QSOX1: variants seen among roughly 807,000 people sequenced by gnomAD.
QSOX1 encodes quiescin sulfhydryl oxidase 1.
Under a neutral mutation model 76.1 loss-of-function variants are expected in QSOX1, and 40 were observed. That is an observed-to-expected ratio of 0.53 (90% confidence interval 0.41 to 0.68). The LOEUF (loss-of-function observed/expected upper bound fraction) is 0.68, where lower values mean the gene tolerates loss of function less well. Among genes scored for constraint, QSOX1 ranks in the 30% least tolerant of loss-of-function variants. The pLI is 0.00. For missense variants in QSOX1, 931 were observed against 974.3 expected (o/e 0.96, Z 0.59); for synonymous variants, 392 against 413.1 (o/e 0.95, Z 0.62).
chr1:180,194,995 C>CCGGGG (rs1663425410), intron 11 of QSOX1, among the ~76,000 whole-genome samples: 1 of 133,164 alleles, frequency 7.5e-6, no homozygotes, highest in African/African-American at 2.9e-5. Flanking sequence ...TGACAGCCTC[C>CCGGGG]CGGGGGGGGG....
intron 2 of QSOX1, among the ~76,000 whole-genome samples, chr1:180,169,413 A>G (rs964986729): frequency 6.6e-6 from 1 of 152,204 alleles, no homozygotes; most frequent in African/African-American, 2.4e-5. Context: ...TGAGGAGATC[A>G]GTGATGTGGT....
chr1:180,198,853 G>T lies in QSOX1; in HGVS notation c.*1816G>T, dbSNP rs746245450. On this transcript the variant is annotated 3_prime_UTR_variant, in exon 12 of 12. Transcript: ENST00000367602. ...GAGGAAGACAGAGGCTCCCAGGGCC[G>T]GTGCCCTGTGTGCCCACTGCACCAA... 3.7e-5 allele frequency: 7 copies of T among 190,944 alleles called. No individual in the cohort carries two copies. Among genetic ancestry groups the T allele is most frequent in the Non-Finnish European group, 6.6e-5 (6 of 90,240 alleles). 11.8% of individuals were successfully genotyped at this position (190,944 alleles called of 1,614,324 possible).
intron 10 of QSOX1, 150 bp from the exon 11 acceptor site, chr1:180,194,063 C>G (rs1663394315): frequency 1.6e-6 from 1 of 619,764 alleles, no homozygotes; most frequent in African/African-American, 1.9e-5. Context: ...CAAGGGGACA[C>G]TGGGCCTCTG....
At position 180,183,942 on chromosome 1, in the gene QSOX1, C is replaced by T; in HGVS notation, c.779C>T (p.Thr260Ile). 2 of 1,613,784 alleles carry T rather than the reference C, an allele frequency of 1.2e-6. No individual in the cohort carries two copies. Among genetic ancestry groups the T allele is most frequent in the Admixed American group, 1.7e-5 (1 of 60,020 alleles). Residue 260 changes from threonine to isoleucine, a missense_variant, in exon 7 of 12, where the codon ACC becomes ATC. Transcript: ENST00000367602. ...CTCATGGAATCCAGGTCCTTCTATA[C>T]CGCTTACCTGCAGAGACTCTCTGGG... ...PVLMESRSFY[T>I]AYLQRLSGLT...
chr1:180,189,635 C>G lies in QSOX1; in HGVS notation c.1101C>G (p.Pro367=), dbSNP rs1572053290. The change falls in exon 9 of 12, where the codon CCC becomes CCG. Residue 367 remains proline, a synonymous_variant. Coordinates refer to ENST00000367602, the MANE Select transcript of QSOX1 (RefSeq NM_002826.5). Reference sequence around the variant, plus strand: ...AGAGGCAGAAGAGAAATAAAATTCCCTACAGTTTCTTTAAAACTGCCCTGG... The same window carrying G: ...AGAGGCAGAAGAGAAATAAAATTCCGTACAGTTTCTTTAAAACTGCCCTGG... ...WLKRQKRNKI[P]YSFFKTALDD... 8.1e-6 allele frequency: 13 copies of G among 1,613,528 alleles called. No individual in the cohort carries two copies. The highest frequency in any genetic ancestry group is 1.3e-5 in the African/African-American group (1 of 75,020).
chr1:180,197,116 C>T lies in QSOX1; in HGVS notation c.*79C>T. 2.0e-6 allele frequency: 3 copies of T among 1,496,374 alleles called. No individual in the cohort carries two copies. Among genetic ancestry groups the T allele is most frequent in the Admixed American group, 2.3e-5 (1 of 43,374 alleles). The allele number at this position is 1,496,374 out of a possible 1,614,324, so 92.7% of individuals were successfully genotyped here. A position where few individuals can be genotyped will look rare whatever the true frequency, so the allele number is the denominator to read the frequency against. On this transcript the variant is annotated 3_prime_UTR_variant, in exon 12 of 12. Coordinates refer to ENST00000367602, the MANE Select transcript of QSOX1 (RefSeq NM_002826.5). ...CCCCTGACCCCATTCCCTCCCCTCCCACCCCTTGCTCCTTGTCTGGCCTAG... is the reference window on the plus strand; with the variant it reads ...CCCCTGACCCCATTCCCTCCCCTCCTACCCCTTGCTCCTTGTCTGGCCTAG...
intron 2 of QSOX1, among the ~76,000 whole-genome samples, chr1:180,172,057 C>T (rs1572042971): frequency 6.6e-6 from 1 of 152,130 alleles, no homozygotes; most frequent in South Asian, 2.1e-4. Context: ...GTCTGAGGAG[C>T]AAGGGCAGAC....
chr1:180,177,522 T>A (rs1662930149), intron 4 of QSOX1, among the ~76,000 whole-genome samples: 1 of 152,232 alleles, frequency 6.6e-6, no homozygotes, highest in Non-Finnish European at 1.5e-5. Flanking sequence ...CCCAAAGTAC[T>A]GGGATTACAG....
chr1:180,189,787 A>G, intron 9 of QSOX1, 113 bp downstream of exon 9: 1 of 1,262,378 alleles, frequency 7.9e-7, no homozygotes, highest in Non-Finnish European at 1.1e-6. Flanking sequence ...GGAGTCAGTG[A>G]TCTTCGTTGG....
At chr1:180,155,771 C>G (rs1662363598) in intron 1 of QSOX1, among the ~76,000 whole-genome samples, 1 of 152,190 alleles carries the variant, frequency 6.6e-6, no homozygotes, top group South Asian at 2.1e-4. Context: ...TGTTCCGGGC[C>G]TCTCCTGACC....
At position 180,155,143 on chromosome 1, in the gene QSOX1, C is replaced by T. The variant is rs1286804756; in HGVS notation, c.236C>T (p.Thr79Met). 1 of 1,520,660 alleles carries T rather than the reference C, an allele frequency of 6.6e-7. No homozygotes were observed. The allele number at this position is 1,520,660 out of a possible 1,614,324, so 94.2% of individuals were successfully genotyped here. ...WCGHCIAFAP[T>M]WKALAEDVKA... Reference sequence around the variant, plus strand: ...GGCCACTGCATCGCCTTCGCCCCGACGTGGAAGGCGCTGGCCGAAGACGTC... The same window carrying T: ...GGCCACTGCATCGCCTTCGCCCCGATGTGGAAGGCGCTGGCCGAAGACGTC... The change falls in exon 1 of 12, where the codon ACG becomes ATG. Residue 79 changes from threonine to methionine, a missense_variant. Physicochemically the swap from Thr to Met is moderately conservative, Grantham distance 81. Transcript: ENST00000367602.
At chr1:180,174,556 A>G (rs1012698008) in intron 2 of QSOX1, among the ~76,000 whole-genome samples, 3 of 152,224 alleles carry the variant, frequency 2.0e-5, no homozygotes, top group African/African-American at 7.2e-5. Flanking sequence ...GCAAGGGCAC[A>G]TTGACATAGA....
chr1:180,191,438 G>C (rs942259050), intron 10 of QSOX1, among the ~76,000 whole-genome samples: 1 of 152,228 alleles, frequency 6.6e-6, no homozygotes, highest in Non-Finnish European at 1.5e-5. Context: ...GAGCATCCCA[G>C]CAGAGGGAGC....
In QSOX1 at chr1:180,159,033, G is replaced by A. The variant is rs145523471; in HGVS notation, c.265+3861G>A. Reference sequence around the variant, plus strand: ...CCCTGCACTTGTGAGTGGGGCAGGGGACGCTGCCCTTGACTCCAGACCAAG... The same window carrying A: ...CCCTGCACTTGTGAGTGGGGCAGGGAACGCTGCCCTTGACTCCAGACCAAG... On this transcript the variant is annotated intron_variant, in intron 1 of 11. Coordinates refer to ENST00000367602, the MANE Select transcript of QSOX1 (RefSeq NM_002826.5). Among the ~76,000 whole-genome samples, 72 of 152,306 alleles carry A rather than the reference G, an allele frequency of 4.7e-4. 1 individual carries two copies. Among genetic ancestry groups the A allele is most frequent in the African/African-American group, 1.5e-3 (64 of 41,576 alleles).
Position 180,196,695 on chromosome 1 carries a change from G to A in QSOX1, c.1902G>A (p.Glu634=). The change falls in exon 12 of 12, where the codon GAG becomes GAA. Residue 634 remains glutamate (E), a synonymous_variant. Coordinates refer to ENST00000367602, the MANE Select transcript of QSOX1 (RefSeq NM_002826.5). This position sits in a 1 kb window ranked among gnomAD's most constrained non-coding sequence, Gnocchi z 4.1. ...CAGAGCTTCAGAGGAATGAGCAGGA[G>A]CAGCCGCTTGGGCAGTGGCACTTGA... ...HMAELQRNEQ[E]QPLGQWHLSK... is the part of the protein sequence containing the mutation. The A allele has an allele frequency of 6.2e-7, 1 of 1,614,086 alleles. No homozygotes were observed. The highest frequency in any genetic ancestry group is 1.6e-4 in the Middle Eastern group (1 of 6,062).
intron 1 of QSOX1, among the ~76,000 whole-genome samples, chr1:180,157,544 GGA>G (rs753812294): frequency 6.6e-5 from 10 of 152,140 alleles, no homozygotes; most frequent in Non-Finnish European, 1.2e-4. Context: ...AAGGTCACAG[GGA>G]GAGAGAAGAA....
intron 1 of QSOX1, 66 bp from the exon 2 acceptor site, chr1:180,166,425 G>C (rs1662618768): frequency 1.5e-6 from 2 of 1,321,000 alleles, no homozygotes; most frequent in Admixed American, 1.7e-5. Flanking sequence ...ATTGCATTAG[G>C]GGAGATGGGC....
At chr1:180,194,555 C>T (rs1663412658) in intron 11 of QSOX1, among the ~76,000 whole-genome samples, 163 bp downstream of exon 11, 2 of 152,232 alleles carry the variant, frequency 1.3e-5, no homozygotes, top group South Asian at 4.1e-4. Context: ...CCATTTTTGA[C>T]ATGAGGAAGC....
At chr1:180,162,003 T>TA (rs1253778490) in intron 1 of QSOX1, among the ~76,000 whole-genome samples, 1 of 152,170 alleles carries the variant, frequency 6.6e-6, no homozygotes, top group Non-Finnish European at 1.5e-5. Flanking sequence ...ATAAAGCAAT[T>TA]AACTGTAGAC....
Sources: gnomAD v4.1 joint callset for allele counts (sites outside exome capture counted in the v4.1 genomes callset) on GRCh38, gnomAD v4.1.1 for gene constraint, Gnocchi (gnomAD v3.1) non-coding constraint, MANE v1.5 for transcripts, NCBI Gene and HGNC (gene_info 2026-07-23, HGNC 2026-07-21) for gene names.